NUP93: variants seen among roughly 807,000 people sequenced by gnomAD.
NUP93 encodes nucleoporin 93.
NUP93 carries 55 observed loss-of-function variants against 107.8 expected under a neutral mutation model. That is an observed-to-expected ratio of 0.51 (90% CI 0.41 to 0.64). The LOEUF (loss-of-function observed/expected upper bound fraction) is 0.64, where lower values mean the gene tolerates loss of function less well. Among genes scored for constraint, NUP93 ranks in the 30% least tolerant of loss-of-function variants. NUP93 has a pLI of 0.00. For synonymous variants in NUP93, 390 were observed against 397.5 expected, an observed-to-expected ratio of 0.98 and a Z score of 0.22; for missense variants, 937 against 1,044.7, an observed-to-expected ratio of 0.90 and a Z score of 1.42.
chr16:56,776,012 T>C (rs1962409850), intron 3 of NUP93, among the ~76,000 whole-genome samples: 1 of 152,076 alleles, frequency 6.6e-6, no homozygotes, highest in Admixed American at 6.5e-5. Context: ...ATTTTTTTTT[T>C]CTTAAAGTTT....
intron 6 of NUP93, 92 bp from the exon 7 acceptor site, chr16:56,821,412 C>T (rs550675846): frequency 7.0e-5 from 59 of 845,786 alleles, no homozygotes; most frequent in Non-Finnish European, 1.1e-4. Flanking sequence ...AAAGGTTGGC[C>T]GAAGCTTCTG....
At chr16:56,809,702 C>T (rs1424140621) in intron 5 of NUP93, among the ~76,000 whole-genome samples, 3 of 152,084 alleles carry the variant, frequency 2.0e-5, no homozygotes, top group African/African-American at 7.2e-5. Flanking sequence ...ACTGCACATC[C>T]GGTATCTATT....
At chr16:56,749,208 A>G (rs1196915114) in intron 2 of NUP93, among the ~76,000 whole-genome samples, 2 of 152,204 alleles carry the variant, frequency 1.3e-5, no homozygotes. Context: ...GAAAAAAACT[A>G]TGCTGCTTTC....
chr16:56,804,540 A>C (rs1307136412), intron 4 of NUP93, among the ~76,000 whole-genome samples: 1 of 152,200 alleles, frequency 6.6e-6, no homozygotes, highest in Non-Finnish European at 1.5e-5. Context: ...GGTGGTTGCC[A>C]GGAGCTAAGA....
At chr16:56,765,016 A>G (rs1487763757) in intron 3 of NUP93, among the ~76,000 whole-genome samples, 3 of 152,222 alleles carry the variant, frequency 2.0e-5, no homozygotes, top group African/African-American at 4.8e-5. Context: ...CTGTTTGCCT[A>G]CTGATAATTT....
At chr16:56,820,147 C>A (rs1963513314) in intron 6 of NUP93, among the ~76,000 whole-genome samples, 1 of 152,204 alleles carries the variant, frequency 6.6e-6, no homozygotes, top group Non-Finnish European at 1.5e-5. Context: ...CATTTCATAG[C>A]ACATACAACA....
intron 9 of NUP93, 127 bp downstream of exon 9, chr16:56,829,236 G>C (rs557603513): frequency 8.5e-7 from 1 of 1,180,936 alleles, no homozygotes; most frequent in East Asian, 2.4e-5. Flanking sequence ...AGAGGGGTGA[G>C]GACAGAAGGT....
At chr16:56,751,099 A>T (rs576627828) in intron 2 of NUP93, among the ~76,000 whole-genome samples, 1 of 152,012 alleles carries the variant, frequency 6.6e-6, no homozygotes, top group African/African-American at 2.4e-5. Flanking sequence ...CCCATCATCA[A>T]TTGCATATCC....
intron 5 of NUP93, among the ~76,000 whole-genome samples, chr16:56,809,531 G>A (rs12444217): frequency 0.11 from 16,228 of 151,868 alleles, 905 homozygotes; most frequent in East Asian, 0.15. Context: ...TTTTTCCCCC[G>A]AAGTTGTTTC....
chr16:56,774,121 G>A (rs1339660186), intron 3 of NUP93, among the ~76,000 whole-genome samples: 1 of 152,128 alleles, frequency 6.6e-6, no homozygotes, highest in Non-Finnish European at 1.5e-5. Context: ...AGGGAGACAT[G>A]GGAAAGGGAA....
intron 4 of NUP93, among the ~76,000 whole-genome samples, chr16:56,804,936 G>A (rs374723430): frequency 1.3e-4 from 20 of 151,660 alleles, no homozygotes; most frequent in South Asian, 6.2e-4. Flanking sequence ...ATATTTTACC[G>A]AAGTTTTATT....
intron 5 of NUP93, among the ~76,000 whole-genome samples, chr16:56,814,805 C>T (rs774885815): frequency 6.6e-6 from 1 of 152,224 alleles, no homozygotes; most frequent in East Asian, 1.9e-4. Flanking sequence ...TGGCTCCCTG[C>T]TCCTGTCATC....
At chr16:56,777,790 A>G (rs1261598081) in intron 3 of NUP93, among the ~76,000 whole-genome samples, 5 of 152,240 alleles carry the variant, frequency 3.3e-5, no homozygotes, top group African/African-American at 1.2e-4. Context: ...TACATTGGCC[A>G]AGAACCGCCT....
At chr16:56,749,845 C>G (rs1961887063) in intron 2 of NUP93, among the ~76,000 whole-genome samples, 1 of 152,040 alleles carries the variant, frequency 6.6e-6, no homozygotes, top group African/African-American at 2.4e-5. Context: ...GATTTTTTAC[C>G]CTGCAGCCTT....
chr16:56,791,122 TA>T (rs1962753446), intron 3 of NUP93, among the ~76,000 whole-genome samples: 1 of 152,216 alleles, frequency 6.6e-6, no homozygotes, highest in South Asian at 2.1e-4. Context: ...TACCTTCTGG[TA>T]AATGTTCAGC....
At chr16:56,735,990 A>G (rs76233589) in intron 1 of NUP93, among the ~76,000 whole-genome samples, 15,911 of 152,198 alleles carry the variant, frequency 0.1, 856 homozygotes, top group East Asian at 0.15. Flanking sequence ...GGATGAAAGC[A>G]ATAGTTAGAG....
chr16:56,763,247 C>T (rs759297375), intron 3 of NUP93, among the ~76,000 whole-genome samples: 18 of 152,194 alleles, frequency 1.2e-4, no homozygotes, highest in African/African-American at 1.9e-4. Flanking sequence ...TGTCATCCTC[C>T]TCATTCTGCT....
At chr16:56,843,972 C>T (rs908722478) in intron 21 of NUP93, among the ~76,000 whole-genome samples, 1 of 151,912 alleles carries the variant, frequency 6.6e-6, no homozygotes, top group Non-Finnish European at 1.5e-5. Context: ...GCATGTATGT[C>T]GGGAAGGGAG....
chr16:56,743,604 C>T (rs897149973), intron 1 of NUP93, among the ~76,000 whole-genome samples: 7 of 151,842 alleles, frequency 4.6e-5, no homozygotes, highest in African/African-American at 9.7e-5. Flanking sequence ...AGCAGTGGGG[C>T]GGGGAGCTTT....
Sources: gnomAD v4.1 joint callset for allele counts (sites outside exome capture counted in the v4.1 genomes callset) on GRCh38, gnomAD v4.1.1 for gene constraint, MANE v1.5 for transcripts, NCBI Gene and HGNC (gene_info 2026-07-23, HGNC 2026-07-21) for gene names.